UNC79: variants seen among roughly 807,000 people sequenced by gnomAD.
UNC79 encodes unc-79 subunit of NALCN channel complex, also known as protein unc-79 homolog.
UNC79 carries 37 observed loss-of-function variants against 283.1 expected under a neutral mutation model. The observed-to-expected ratio is 0.13, with a 90% CI of 0.10 to 0.17. UNC79 has a LOEUF of 0.17. Among genes scored for constraint, UNC79 ranks in the 10% least tolerant of loss-of-function variants. The pLI is 1.00. For synonymous variants in UNC79, 1,107 were observed against 1,200.2 expected (o/e 0.92, Z 1.61); for missense variants, 2,272 against 3,211.1 (o/e 0.71, Z 7.07).
intron 1 of UNC79, among the ~76,000 whole-genome samples, chr14:93,413,891 A>C (rs2055393735): frequency 9.0e-6 from 1 of 111,470 alleles, no homozygotes; most frequent in Admixed American, 1.0e-4. Context: ...TTTTTCTTGT[A>C]AATTTGTTTG....
intron 32 of UNC79, among the ~76,000 whole-genome samples, chr14:93,639,142 A>G (rs1018027987): frequency 2.0e-5 from 3 of 152,182 alleles, no homozygotes; most frequent in Admixed American, 2.0e-4. Context: ...TGATTACTAT[A>G]TAATAGTAAT....
intron 1 of UNC79, among the ~76,000 whole-genome samples, chr14:93,395,551 C>T (rs982991345): frequency 6.6e-6 from 1 of 152,198 alleles, no homozygotes; most frequent in African/African-American, 2.4e-5. Context: ...ATGATCCCAT[C>T]ACCATCCACC....
chr14:93,573,561 A>G (rs2181386), intron 16 of UNC79, among the ~76,000 whole-genome samples: 16,006 of 152,286 alleles, frequency 0.11, 923 homozygotes, highest in Middle Eastern at 0.16. Flanking sequence ...TGAGGACAGA[A>G]TCAATGTTTA....
At chr14:93,472,392 G>A (rs905986367) in intron 2 of UNC79, among the ~76,000 whole-genome samples, 3 of 151,938 alleles carry the variant, frequency 2.0e-5, no homozygotes, top group Admixed American at 1.3e-4. Flanking sequence ...CTGGAATATT[G>A]ATATTATCCC....
rs117989141 is a variant in UNC79 at position 93,480,624 on chromosome 14, G to A, written c.619+2896G>A. Among the ~76,000 whole-genome samples, 775 of 152,170 alleles carry A rather than the reference G, an allele frequency of 5.1e-3. 18 individuals carry two copies. The highest frequency in any genetic ancestry group is 0.037 in the Admixed American group (566 of 15,284). On this transcript the variant is annotated intron_variant, in intron 4 of 48. Coordinates refer to ENST00000555664, the Ensembl canonical transcript of UNC79. Reference sequence around the variant, plus strand: ...ATTACACCATTCAGGTGTTTCCTTTGTACTTGTTATTTCATGAGTATACAA... The same window carrying A: ...ATTACACCATTCAGGTGTTTCCTTTATACTTGTTATTTCATGAGTATACAA...
chr14:93,438,232 A>ATAT, intron 1 of UNC79, among the ~76,000 whole-genome samples: 1 of 152,302 alleles, frequency 6.6e-6, no homozygotes, highest in East Asian at 1.9e-4. Context: ...ATATATTTTA[A>ATAT]ATGTGAGTTT....
chr14:93,659,153 G>A (rs2071266576), intron 38 of UNC79, 40 bp from the exon 42 acceptor site: 1 of 1,508,536 alleles, frequency 6.6e-7, no homozygotes, highest in Non-Finnish European at 9.1e-7. Context: ...TTATATTAAG[G>A]TGGAAACTAA....
At chr14:93,438,019 T>C (rs1489530152) in intron 1 of UNC79, among the ~76,000 whole-genome samples, 1 of 152,240 alleles carries the variant, frequency 6.6e-6, no homozygotes. Flanking sequence ...GTCTTATTAA[T>C]GTTATTTCAT....
intron 14 of UNC79, among the ~76,000 whole-genome samples, chr14:93,548,765 C>T (rs754720971): frequency 9.2e-5 from 14 of 152,168 alleles, no homozygotes; most frequent in Non-Finnish European, 1.2e-4. Context: ...GTAACAAAAC[C>T]ACATTCTACA....
At chr14:93,600,892 C>T (rs2065451762) in intron 25 of UNC79, 122 bp downstream of exon 25, 2 of 1,009,170 alleles carry the variant, frequency 2.0e-6, no homozygotes, top group South Asian at 3.5e-5. Flanking sequence ...CTCATGCACT[C>T]AATTCATTAA....
intron 48 of UNC79, among the ~76,000 whole-genome samples, chr14:93,705,323 T>C (rs1189927696): frequency 8.4e-6 from 1 of 119,048 alleles, no homozygotes; most frequent in Non-Finnish European, 1.6e-5. Flanking sequence ...TGTGTATATA[T>C]AGACAGAGCA....
chr14:93,538,754 C>T (rs2061213964), intron 12 of UNC79, among the ~76,000 whole-genome samples: 1 of 135,962 alleles, frequency 7.4e-6, no homozygotes, highest in South Asian at 2.2e-4. Flanking sequence ...ACAGGGACAG[C>T]AGGGACAGGT....
chr14:93,506,995 T>A (rs891819926), intron 7 of UNC79, among the ~76,000 whole-genome samples: 1 of 152,214 alleles, frequency 6.6e-6, no homozygotes, highest in Non-Finnish European at 1.5e-5. Context: ...TTCAGGTAAA[T>A]GGAGATCAAA....
At chr14:93,396,284 A>G (rs1430599894) in intron 1 of UNC79, among the ~76,000 whole-genome samples, 3 of 151,726 alleles carry the variant, frequency 2.0e-5, no homozygotes, top group South Asian at 4.1e-4. Flanking sequence ...TCTAGAACCA[A>G]TAAGTTGATA....
chr14:93,634,044 G>A (rs2068279876), intron 31 of UNC79, among the ~76,000 whole-genome samples: 6 of 152,044 alleles, frequency 3.9e-5, no homozygotes, highest in Admixed American at 3.9e-4. Flanking sequence ...GGGTTGATAT[G>A]TGTCATCCTA....
At chr14:93,479,542 C>T (rs963543585) in intron 4 of UNC79, among the ~76,000 whole-genome samples, 3 of 152,124 alleles carry the variant, frequency 2.0e-5, no homozygotes, top group Admixed American at 1.3e-4. Context: ...AGGTGATCCA[C>T]CCGCCTCAGC....
In UNC79 at chr14:93,599,966, C is replaced by T. The variant is rs544837473; in HGVS notation, c.3373-603C>T. On this transcript the variant is annotated intron_variant, in intron 24 of 48. Coordinates refer to ENST00000555664, the Ensembl canonical transcript of UNC79. ...CCTGTAATCCCAGCACTTTGGGAGG[C>T]CAAGGAGGGCAGATCACGAGGTCAG... 7.2e-5 allele frequency among the ~76,000 whole-genome samples: 11 copies of T among 152,230 alleles called. No homozygotes were observed. In the East Asian group the frequency reaches 2.1e-3, roughly 29 times the overall value.
At chr14:93,654,493 A>G (rs905508024) in intron 37 of UNC79, among the ~76,000 whole-genome samples, 4 of 152,056 alleles carry the variant, frequency 2.6e-5, no homozygotes, top group East Asian at 1.9e-4. Context: ...TTACACTCCA[A>G]TGGCTACATT....
intron 7 of UNC79, among the ~76,000 whole-genome samples, chr14:93,507,133 T>C (rs1276514840): frequency 6.6e-6 from 1 of 152,238 alleles, no homozygotes; most frequent in Non-Finnish European, 1.5e-5. Context: ...GTCATTTGTT[T>C]ATCAACCTTC....
Sources: gnomAD v4.1 joint callset for allele counts (sites outside exome capture counted in the v4.1 genomes callset) on GRCh38, gnomAD v4.1.1 for gene constraint, MANE v1.5 for transcripts, NCBI Gene and HGNC (gene_info 2026-07-23, HGNC 2026-07-21) for gene names.